The following REC114 variants were observed in gnomAD, a reference collection of about 807,000 sequenced individuals.
REC114 encodes meiotic recombination protein REC114.
Under a neutral mutation model 31.3 loss-of-function variants are expected in REC114, and 27 were observed. That is an observed-to-expected ratio of 0.86 (90% CI 0.64 to 1.19). The LOEUF is 1.19. REC114 is among the 50% of genes most tolerant of loss of function. The pLI is 0.00. For missense variants in REC114, 344 were observed against 326.9 expected (o/e 1.05, Z -0.40); for synonymous variants, 134 against 127.7 (o/e 1.05, Z -0.33).
At chr15:73,494,830 C>G (rs544762660) in intron 2 of REC114, among the ~76,000 whole-genome samples, 1 of 152,242 alleles carries the variant, frequency 6.6e-6, no homozygotes, top group South Asian at 2.1e-4. Context: ...TTGACCTAAG[C>G]CTTGTTATAC....
chr15:73,482,477 T>G (rs1168805298), intron 2 of REC114, among the ~76,000 whole-genome samples: 1 of 152,184 alleles, frequency 6.6e-6, no homozygotes, highest in Non-Finnish European at 1.5e-5. Context: ...GTGCCATGCT[T>G]TCTATATGGC....
At chr15:73,556,241 G>A in intron 4 of REC114, 61 bp from the exon 5 acceptor site, 1 of 1,394,578 alleles carries the variant, frequency 7.2e-7, no homozygotes. Flanking sequence ...GCTCTTTAAT[G>A]GCCTTTGGTA....
At chr15:73,479,199 T>G (rs1198272539) in intron 2 of REC114, among the ~76,000 whole-genome samples, 1 of 151,436 alleles carries the variant, frequency 6.6e-6, no homozygotes, top group Non-Finnish European at 1.5e-5. Context: ...GTAGGTTTTT[T>G]TTTTTGTAGA....
intron 2 of REC114, among the ~76,000 whole-genome samples, chr15:73,534,683 A>G (rs371811940): frequency 1.3e-5 from 2 of 152,194 alleles, no homozygotes; most frequent in Admixed American, 6.5e-5. Flanking sequence ...CATTTTATGA[A>G]GCCAGCATCA....
intron 4 of REC114, among the ~76,000 whole-genome samples, chr15:73,553,905 TG>T (rs1217763996): frequency 2.0e-5 from 3 of 152,222 alleles, no homozygotes; most frequent in African/African-American, 7.2e-5. Flanking sequence ...GTTAGAATCC[TG>T]GCCCTATTTC....
intron 2 of REC114, among the ~76,000 whole-genome samples, chr15:73,508,513 A>T (rs1232735762): frequency 6.7e-6 from 1 of 148,622 alleles, no homozygotes; most frequent in African/African-American, 2.5e-5. Context: ...TTACATATGT[A>T]TACATGTGCC....
chr15:73,493,561 T>G (rs866943202), intron 2 of REC114, among the ~76,000 whole-genome samples: 1 of 152,190 alleles, frequency 6.6e-6, no homozygotes, highest in East Asian at 1.9e-4. Context: ...ATGTCTCATA[T>G]GTAGAGGCCT....
chr15:73,559,802 G>A lies in REC114; in HGVS notation c.687G>A (p.Trp229Ter). ...ELPHVYEQSA[W>*]GAEELGPFLR... Reference sequence around the variant, plus strand: ...CCCATGTCTATGAACAATCTGCATGGGGTGCAGAAGAGTTAGGCCCCTTCC... The same window carrying A: ...CCCATGTCTATGAACAATCTGCATGAGGTGCAGAAGAGTTAGGCCCCTTCC... Residue 229 changes from tryptophan to a stop codon, truncating the protein, a stop_gained, in exon 6 of 6, where the codon TGG becomes TGA. Coordinates refer to ENST00000331090, the MANE Select transcript of REC114 (RefSeq NM_001042367.2). LOFTEE classifies it high-confidence loss of function. The A allele has an allele frequency of 6.2e-7, 1 of 1,611,106 alleles. No homozygotes were observed. The highest frequency in any genetic ancestry group is 1.3e-5 in the African/African-American group (1 of 74,774).
intron 2 of REC114, among the ~76,000 whole-genome samples, chr15:73,505,038 C>A (rs1358936541): frequency 6.6e-6 from 1 of 151,984 alleles, no homozygotes; most frequent in African/African-American, 2.4e-5. Context: ...TCACAAGTGA[C>A]CTTTTTTTTT....
chr15:73,487,202 C>G (rs990019557), intron 2 of REC114, among the ~76,000 whole-genome samples: 5 of 152,178 alleles, frequency 3.3e-5, no homozygotes, highest in African/African-American at 1.2e-4. Context: ...CAATTCCACC[C>G]CTGTTCCCAA....
chr15:73,474,522 G>T (rs1893182804), intron 2 of REC114, among the ~76,000 whole-genome samples: 1 of 152,124 alleles, frequency 6.6e-6, no homozygotes, highest in South Asian at 2.1e-4. Context: ...AATTGTACAA[G>T]AAAGGAACAT....
chr15:73,495,662 G>A (rs1893510839), intron 2 of REC114, among the ~76,000 whole-genome samples: 1 of 152,030 alleles, frequency 6.6e-6, no homozygotes, highest in African/African-American at 2.4e-5. Flanking sequence ...CTTTTATTAA[G>A]AGGCTATAGA....
chr15:73,484,426 A>G (rs1034598851), intron 2 of REC114, among the ~76,000 whole-genome samples: 2 of 152,204 alleles, frequency 1.3e-5, no homozygotes, highest in South Asian at 2.1e-4. Flanking sequence ...GATTATTAGC[A>G]GGAGGTACAC....
At chr15:73,559,142 C>T (rs1015276582) in intron 5 of REC114, among the ~76,000 whole-genome samples, 5 of 152,078 alleles carry the variant, frequency 3.3e-5, no homozygotes, top group South Asian at 4.1e-4. Context: ...AAGGGTTTGA[C>T]GGTAATGGTT....
intron 2 of REC114, among the ~76,000 whole-genome samples, chr15:73,526,071 T>C (rs1894002969): frequency 6.6e-6 from 1 of 152,210 alleles, no homozygotes; most frequent in Admixed American, 6.5e-5. Context: ...CCCTTTATCA[T>C]AATGAGATGT....
intron 2 of REC114, among the ~76,000 whole-genome samples, chr15:73,498,132 TA>T (rs1415255009): frequency 2.0e-5 from 3 of 152,142 alleles, no homozygotes; most frequent in Admixed American, 2.0e-4. Flanking sequence ...CACAAAACCA[TA>T]AGGTGTTATG....
intron 2 of REC114, among the ~76,000 whole-genome samples, chr15:73,538,952 T>C: frequency 6.6e-6 from 1 of 151,656 alleles, no homozygotes; most frequent in Non-Finnish European, 1.5e-5. Context: ...ACTTCATACA[T>C]GGGCAGGTTG....
chr15:73,547,402 A>G (rs1353522452), intron 3 of REC114, among the ~76,000 whole-genome samples: 6 of 152,150 alleles, frequency 3.9e-5, no homozygotes, highest in African/African-American at 1.4e-4. Context: ...TAACAAATGC[A>G]GGAGAGGATG....
Position 73,559,634 on chromosome 15 carries a change from C to T in REC114, c.637-118C>T. ...AGGAAGCCTGTAAAGCTAATTAACA[C>T]TAATTTTTTTGGTGTGTATTTCGCT... is the stretch of plus-strand genomic sequence containing the variant. On this transcript the variant is annotated intron_variant, in intron 5 of 5. Transcript: ENST00000331090. The T allele has an allele frequency of 3.5e-6, 3 of 845,072 alleles. No individual in the cohort carries two copies. In the South Asian group the frequency reaches 7.9e-5, roughly 22 times the overall value. The allele number at this position is 845,072 out of a possible 1,614,324, so 52.3% of individuals were successfully genotyped here.
Sources: gnomAD v4.1 joint callset for allele counts (sites outside exome capture counted in the v4.1 genomes callset) on GRCh38, gnomAD v4.1.1 for gene constraint, MANE v1.5 for transcripts, NCBI Gene and HGNC (gene_info 2026-07-23, HGNC 2026-07-21) for gene names.